TTC28: variants seen among roughly 807,000 people sequenced by gnomAD.
TTC28 encodes tetratricopeptide repeat protein 28.
Under a neutral mutation model 198.0 loss-of-function variants are expected in TTC28, and 61 were observed. The observed-to-expected ratio is 0.31, with a 90% CI of 0.25 to 0.38. The LOEUF is 0.38. TTC28 is among the 10% of genes least tolerant of loss of function. The pLI, the probability that TTC28 is intolerant of heterozygous loss-of-function variation, is 1.00. For missense variants in TTC28, 2,678 were observed against 3,164.0 expected (o/e 0.85, Z 3.69); for synonymous variants, 1,171 against 1,297.8 (o/e 0.90, Z 2.10).
chr22:28,351,937 A>T (rs910894800), intron 2 of TTC28, among the ~76,000 whole-genome samples: 18 of 152,126 alleles, frequency 1.2e-4, no homozygotes, highest in African/African-American at 4.3e-4. Context: ...GCTTATTGAT[A>T]CTTACCTCCC....
chr22:28,375,739 TG>T (rs750652579), intron 2 of TTC28, among the ~76,000 whole-genome samples: 16 of 152,298 alleles, frequency 1.1e-4, no homozygotes, highest in Non-Finnish European at 2.4e-4. Context: ...GTCAGTGGAC[TG>T]AGTAGGGAAG....
intron 12 of TTC28, among the ~76,000 whole-genome samples, chr22:28,079,218 T>C (rs549696998): frequency 2.6e-4 from 40 of 152,164 alleles, no homozygotes; most frequent in African/African-American, 8.7e-4. Flanking sequence ...TGGAAAGCCA[T>C]GAGAGGGAGA....
chr22:28,233,385 G>C (rs1210037552), intron 5 of TTC28, among the ~76,000 whole-genome samples: 1 of 151,998 alleles, frequency 6.6e-6, no homozygotes, highest in Non-Finnish European at 1.5e-5. Flanking sequence ...ATTACAGGGA[G>C]ATATCTCTAT....
chr22:28,587,384 A>G, intron 2 of TTC28, among the ~76,000 whole-genome samples: 1 of 152,276 alleles, frequency 6.6e-6, no homozygotes, highest in African/African-American at 2.4e-5. Flanking sequence ...AATAATAATA[A>G]TTTTATAATT....
At chr22:28,390,094 T>C (rs1234196317) in intron 2 of TTC28, among the ~76,000 whole-genome samples, 1 of 152,054 alleles carries the variant, frequency 6.6e-6, no homozygotes, top group African/African-American at 2.4e-5. Context: ...CTTCATTTCG[T>C]TATGTACCCA....
chr22:28,098,509 C>T (rs763273115), intron 10 of TTC28, among the ~76,000 whole-genome samples: 8 of 151,552 alleles, frequency 5.3e-5, no homozygotes, highest in South Asian at 2.1e-4. Context: ...CCCAGGAGTT[C>T]GAGACCAGGC....
At chr22:28,098,871 C>T in intron 10 of TTC28, 44 bp downstream of exon 10, 1 of 1,546,374 alleles carries the variant, frequency 6.5e-7, no homozygotes, top group South Asian at 1.2e-5. Flanking sequence ...CACCCGTGCG[C>T]ACTAGTGCAC....
At chr22:28,191,738 G>T (rs563948250) in intron 5 of TTC28, among the ~76,000 whole-genome samples, 63 of 152,308 alleles carry the variant, frequency 4.1e-4, no homozygotes, top group Admixed American at 9.8e-4. Context: ...AGCGAGGCTG[G>T]GGGAGGGGTG....
At chr22:28,091,860 T>C (rs1335672409) in intron 12 of TTC28, among the ~76,000 whole-genome samples, 1 of 152,158 alleles carries the variant, frequency 6.6e-6, no homozygotes, top group Non-Finnish European at 1.5e-5. Context: ...AATGAAAATG[T>C]CGGGTATAAT....
At chr22:28,235,484 G>A (rs1178266093) in intron 5 of TTC28, among the ~76,000 whole-genome samples, 3 of 152,064 alleles carry the variant, frequency 2.0e-5, no homozygotes, top group Non-Finnish European at 4.4e-5. Context: ...ATAAGAATGG[G>A]GTTTAAATGC....
intron 2 of TTC28, among the ~76,000 whole-genome samples, chr22:28,573,121 CAAA>C (rs34470620): frequency 2.5e-5 from 2 of 78,596 alleles, no homozygotes; most frequent in African/African-American, 4.6e-5. Flanking sequence ...GACCATGTCT[CAAA>C]AAAAAAAAAA....
At chr22:28,112,609 T>C (rs1158223236) in intron 6 of TTC28, among the ~76,000 whole-genome samples, 2 of 152,226 alleles carry the variant, frequency 1.3e-5, no homozygotes, top group Non-Finnish European at 2.9e-5. Context: ...GAATTCTGAA[T>C]GGAACATGAC....
chr22:28,444,128 C>G (rs1601406028), intron 2 of TTC28, among the ~76,000 whole-genome samples: 2 of 152,236 alleles, frequency 1.3e-5, no homozygotes, highest in South Asian at 4.1e-4. Context: ...GGAGATACAT[C>G]TACAAATATA....
chr22:28,339,947 T>C (rs567945656), intron 2 of TTC28, among the ~76,000 whole-genome samples: 2 of 152,234 alleles, frequency 1.3e-5, no homozygotes, highest in East Asian at 1.9e-4. Flanking sequence ...GGTACCTCAG[T>C]TGGAAATGCA....
chr22:28,296,705 CA>C (rs778714315), intron 4 of TTC28, among the ~76,000 whole-genome samples: 2 of 152,138 alleles, frequency 1.3e-5, no homozygotes, highest in Admixed American at 6.5e-5. Flanking sequence ...TCCAAATCTA[CA>C]AAAAAATATC....
At chr22:28,556,803 G>A (rs1173209714) in intron 2 of TTC28, among the ~76,000 whole-genome samples, 3 of 152,192 alleles carry the variant, frequency 2.0e-5, no homozygotes, top group African/African-American at 7.2e-5. Flanking sequence ...ACACTTCCAA[G>A]GTAGCTCACT....
chr22:28,468,415 A>G (rs1032943116), intron 2 of TTC28, among the ~76,000 whole-genome samples: 1 of 152,168 alleles, frequency 6.6e-6, no homozygotes, highest in African/African-American at 2.4e-5. Flanking sequence ...AAGATACACA[A>G]GAATCTCATT....
chr22:28,096,040 A>T, intron 11 of TTC28, 150 bp downstream of exon 11: 1 of 1,234,170 alleles, frequency 8.1e-7, no homozygotes. Context: ...ATGCCCCACC[A>T]CGGCATATCC....
chr22:28,555,292 T>C (rs953503186), intron 2 of TTC28, among the ~76,000 whole-genome samples: 2 of 152,194 alleles, frequency 1.3e-5, no homozygotes, highest in Admixed American at 1.3e-4. Flanking sequence ...TGGAGACTCA[T>C]TAAACAACTA....
Sources: allele counts gnomAD v4.1 joint callset (sites outside exome capture counted in the v4.1 genomes callset), GRCh38; gene constraint gnomAD v4.1.1; transcripts MANE v1.5; gene names NCBI Gene and HGNC (gene_info 2026-07-23, HGNC 2026-07-21).